XPR1: variants seen among roughly 807,000 people sequenced by gnomAD.
XPR1 encodes xenotropic and polytropic retrovirus receptor 1.
Under a neutral mutation model 87.5 loss-of-function variants are expected in XPR1, and 28 were observed. The observed-to-expected ratio is 0.32, with a 90% confidence interval of 0.24 to 0.44. The LOEUF (loss-of-function observed/expected upper bound fraction) is 0.44. Ranked by LOEUF, XPR1 falls within the 20% of genes least tolerant of loss-of-function variation. XPR1 has a pLI of 1.00. For missense variants in XPR1, 559 were observed against 862.3 expected, an observed-to-expected ratio of 0.65 and a Z score of 4.41; for synonymous variants, 300 against 306.1, an observed-to-expected ratio of 0.98 and a Z score of 0.21.
chr1:180,767,225 A>G (rs1171870280), intron 2 of XPR1, among the ~76,000 whole-genome samples: 2 of 152,228 alleles, frequency 1.3e-5, no homozygotes, highest in African/African-American at 4.8e-5. Context: ...TAAAAGCAAT[A>G]TAATCAGAAG....
rs984524071 is a variant in XPR1, at chr1:180,682,473, G to C, written c.121+62G>C. On this transcript the variant is annotated intron_variant, in intron 2 of 14. Coordinates refer to ENST00000367590, the MANE Select transcript of XPR1 (RefSeq NM_004736.4). ...ACCTCTTTTTAAGGAAAGATATTTTGTACTGCAGAGTATAAAACTAATATG... is the reference window on the plus strand; with the variant it reads ...ACCTCTTTTTAAGGAAAGATATTTTCTACTGCAGAGTATAAAACTAATATG... 3.3e-5 allele frequency: 45 copies of C among 1,362,024 alleles called. No individual in the cohort carries two copies. In the African/African-American group the frequency reaches 6.2e-4, roughly 19 times the overall value. 84.4% of individuals were successfully genotyped at this position (1,362,024 alleles called of 1,614,324 possible). A position where few individuals can be genotyped will look rare whatever the true frequency, so the allele number is the denominator to read the frequency against.
At chr1:180,817,894 T>A (rs955877938) in intron 7 of XPR1, among the ~76,000 whole-genome samples, 5 of 152,148 alleles carry the variant, frequency 3.3e-5, no homozygotes, top group Admixed American at 3.3e-4. Flanking sequence ...TACTTATGAT[T>A]TATCCATTTT....
intron 7 of XPR1, among the ~76,000 whole-genome samples, chr1:180,815,857 G>A (rs1427190888): frequency 6.6e-6 from 1 of 152,030 alleles, no homozygotes; most frequent in Non-Finnish European, 1.5e-5. Flanking sequence ...GGCAGTGTGT[G>A]TAAAAATTTT....
At chr1:180,798,755 A>T (rs1474048809) in intron 3 of XPR1, among the ~76,000 whole-genome samples, 1 of 152,134 alleles carries the variant, frequency 6.6e-6, no homozygotes, top group Non-Finnish European at 1.5e-5. Flanking sequence ...CTGGAATCAC[A>T]GGCGTGCAGC....
chr1:180,753,017 G>A (rs897460327), intron 2 of XPR1, among the ~76,000 whole-genome samples: 2 of 152,226 alleles, frequency 1.3e-5, no homozygotes, highest in African/African-American at 4.8e-5. Flanking sequence ...GCAGAAGATC[G>A]TTTAGCCATA....
At chr1:180,734,796 G>A (rs911158817) in intron 2 of XPR1, among the ~76,000 whole-genome samples, 4 of 152,166 alleles carry the variant, frequency 2.6e-5, no homozygotes, top group Non-Finnish European at 1.5e-5. Context: ...ACGAAGATGG[G>A]GTTTTGAGTG....
At chr1:180,634,564 C>T (rs1322905304) in intron 1 of XPR1, among the ~76,000 whole-genome samples, 1 of 152,110 alleles carries the variant, frequency 6.6e-6, no homozygotes, top group East Asian at 1.9e-4. Context: ...AGGACCTTTT[C>T]ATAATGAATT....
chr1:180,706,194 A>AT (rs1557966368), intron 2 of XPR1, among the ~76,000 whole-genome samples: 8 of 152,206 alleles, frequency 5.3e-5, no homozygotes, highest in African/African-American at 1.9e-4. Context: ...ATTTGGAGTT[A>AT]CTAGTTTAAT....
At chr1:180,665,875 G>C (rs1413559276) in intron 1 of XPR1, among the ~76,000 whole-genome samples, 1 of 152,132 alleles carries the variant, frequency 6.6e-6, no homozygotes, top group Non-Finnish European at 1.5e-5. Flanking sequence ...TTTTTGTGTA[G>C]ATAGTCATTA....
At position 180,886,372 on chromosome 1, in the gene XPR1, A is replaced by T. The variant is rs1653012659; in HGVS notation, c.*2306A>T. 6.6e-6 allele frequency: 1 copy of T among 152,194 alleles called. No individual in the cohort carries two copies. The highest frequency in any genetic ancestry group is 2.4e-5 in the African/African-American group (1 of 41,448). The allele number at this position is 152,194 out of a possible 1,614,324, so 9.4% of individuals were successfully genotyped here. On this transcript the variant is annotated 3_prime_UTR_variant, in exon 15 of 15. Coordinates refer to ENST00000367590, the MANE Select transcript of XPR1 (RefSeq NM_004736.4). ...CAGAGACATTTGAATTATTAACTTT[A>T]TTCTTTATTAGTGAATCTCTATGAT...
At chr1:180,786,753 T>C (rs1438677670) in intron 2 of XPR1, among the ~76,000 whole-genome samples, 1 of 152,216 alleles carries the variant, frequency 6.6e-6, no homozygotes, top group Non-Finnish European at 1.5e-5. Flanking sequence ...CATCACCACA[T>C]GGCAGCAACT....
At chr1:180,694,544 A>G (rs949232264) in intron 2 of XPR1, among the ~76,000 whole-genome samples, 3 of 152,182 alleles carry the variant, frequency 2.0e-5, no homozygotes, top group Admixed American at 2.0e-4. Context: ...CCTCAAATTT[A>G]TCTTTATTTC....
intron 2 of XPR1, among the ~76,000 whole-genome samples, chr1:180,718,776 C>G (rs529242423): frequency 6.6e-6 from 1 of 150,940 alleles, no homozygotes; most frequent in Non-Finnish European, 1.5e-5. Flanking sequence ...TCAAGCGATT[C>G]TCCTGCCTCA....
At chr1:180,693,618 T>G (rs1657064142) in intron 2 of XPR1, among the ~76,000 whole-genome samples, 1 of 152,208 alleles carries the variant, frequency 6.6e-6, no homozygotes, top group African/African-American at 2.4e-5. Context: ...TCAAGGTGTC[T>G]GCAGGGCTAC....
chr1:180,811,614 T>A lies in XPR1; in HGVS notation c.763+126T>A, dbSNP rs1336661613. The A allele has an allele frequency of 1.4e-5, 10 of 710,982 alleles. No individual in the cohort carries two copies. The South Asian group carries it at 2.2e-4, about 16-fold the overall frequency. 44.0% of individuals were successfully genotyped at this position (710,982 alleles called of 1,614,324 possible). A position where few individuals can be genotyped will look rare whatever the true frequency, so the allele number is the denominator to read the frequency against. ...GAAAGATAAATCTATCAGGGCTAAG[T>A]TTTTTGTCCTTATAAATGTGGTTTT... is the stretch of plus-strand genomic sequence containing the variant. On this transcript the variant is annotated intron_variant, in intron 7 of 14. Transcript: ENST00000367590.
chr1:180,799,227 T>C (rs925012304), intron 3 of XPR1, among the ~76,000 whole-genome samples: 4 of 152,180 alleles, frequency 2.6e-5, no homozygotes, highest in African/African-American at 9.7e-5. Flanking sequence ...AAGTTGTAGA[T>C]TGGGAAGCAA....
intron 11 of XPR1, among the ~76,000 whole-genome samples, chr1:180,845,216 C>T (rs1651637792): frequency 6.6e-6 from 1 of 152,174 alleles, no homozygotes; most frequent in Non-Finnish European, 1.5e-5. Flanking sequence ...GATGAAAACT[C>T]ATTCTGTTGG....
intron 2 of XPR1, among the ~76,000 whole-genome samples, chr1:180,738,295 G>T (rs891574444): frequency 3.9e-5 from 6 of 152,166 alleles, no homozygotes; most frequent in African/African-American, 1.2e-4. Flanking sequence ...ACAGGTGTGA[G>T]CCGCTGCACC....
intron 2 of XPR1, among the ~76,000 whole-genome samples, chr1:180,770,239 A>T (rs906993720): frequency 6.6e-6 from 1 of 152,174 alleles, no homozygotes. Context: ...TCTACAGCAG[A>T]TTACCATAGA....
Sources: allele counts gnomAD v4.1 joint callset (sites outside exome capture counted in the v4.1 genomes callset), GRCh38; gene constraint gnomAD v4.1.1; transcripts MANE v1.5; gene names NCBI Gene and HGNC (gene_info 2026-07-23, HGNC 2026-07-21).